The following STK3 variants were observed in gnomAD, a reference collection of about 807,000 sequenced individuals.
STK3 encodes serine/threonine kinase 3, also known as serine/threonine-protein kinase 3.
A neutral mutation model predicts 58.0 loss-of-function variants in STK3; 41 were observed. That is an observed-to-expected ratio of 0.71 (90% CI 0.55 to 0.92). The LOEUF is 0.92. Ranked by LOEUF, STK3 falls within the 40% of genes least tolerant of loss-of-function variation. The probability of loss-of-function intolerance (pLI) is 0.00; values close to 1 mark genes in which losing one functional copy is unlikely to be tolerated. For missense variants in STK3, 479 were observed against 602.7 expected (o/e 0.79, Z 2.15); for synonymous variants, 170 against 191.0 (o/e 0.89, Z 0.91).
downstream of STK3, among the ~76,000 whole-genome samples, chr8:98,397,294 C>T (rs1328580093): frequency 6.6e-6 from 1 of 152,136 alleles, no homozygotes; most frequent in Non-Finnish European, 1.5e-5. Flanking sequence ...TTTGGGAGGC[C>T]AAGGTGGGAG....
Position 98,455,822 on chromosome 8 carries a change from A to G in STK3, c.*20T>C. The G allele has an allele frequency of 6.2e-7, 1 of 1,612,854 alleles. No homozygotes were observed. Among genetic ancestry groups the G allele is most frequent in the South Asian group, 1.1e-5 (1 of 90,770 alleles). Reference sequence around the variant, plus strand: ...GTTTCTTGGTCTCCAGAATAGTTAAAAACAGAGAGGAAATTAGACTCAAAA... The same window carrying G: ...GTTTCTTGGTCTCCAGAATAGTTAAGAACAGAGAGGAAATTAGACTCAAAA... On this transcript the variant is annotated 3_prime_UTR_variant, in exon 11 of 11. Transcript: ENST00000419617.
At chr8:98,541,253 G>A (rs1029581381) in intron 9 of STK3, among the ~76,000 whole-genome samples, 12 of 152,138 alleles carry the variant, frequency 7.9e-5, no homozygotes, top group African/African-American at 2.9e-4. Context: ...GGGGACTGGT[G>A]GGAGATGATT....
intron 3 of STK3, among the ~76,000 whole-genome samples, chr8:98,876,595 T>C (rs1837566815): frequency 6.6e-6 from 1 of 152,148 alleles, no homozygotes; most frequent in African/African-American, 2.4e-5. Context: ...ACACTCTCAC[T>C]ACACTGCGGC....
intron 3 of STK3, among the ~76,000 whole-genome samples, chr8:98,838,831 A>T (rs1176094050): frequency 6.6e-6 from 1 of 151,664 alleles, no homozygotes; most frequent in African/African-American, 2.4e-5. Context: ...AGGTTATTCC[A>T]TTTTCTCATA....
At position 98,851,741 on chromosome 8, in the gene STK3, G is replaced by A. The variant is rs753655285; in HGVS notation, c.110+31906C>T. Among the ~76,000 whole-genome samples, 15 of 152,258 alleles carry A rather than the reference G, an allele frequency of 9.9e-5. No homozygotes were observed. The East Asian group carries it at 1.2e-3, about 12-fold the overall frequency. ...TGTGGAAGGTAGAGGCAGGAGAATCGCTTGAGGCCAGGAGTTTGAGACCAG... is the reference window on the plus strand; with the variant it reads ...TGTGGAAGGTAGAGGCAGGAGAATCACTTGAGGCCAGGAGTTTGAGACCAG... On this transcript the variant is annotated intron_variant, in intron 3 of 12. Coordinates refer to the STK3 transcript ENST00000523601.
chr8:98,928,138 C>T (rs946335201), intron 1 of STK3, among the ~76,000 whole-genome samples: 5 of 152,180 alleles, frequency 3.3e-5, no homozygotes, highest in East Asian at 1.9e-4. Context: ...TCCTACAACA[C>T]GCATGCCATT....
chr8:98,693,858 T>C (rs1824611270), intron 6 of STK3, among the ~76,000 whole-genome samples: 1 of 136,156 alleles, frequency 7.3e-6, no homozygotes, highest in African/African-American at 2.6e-5. Flanking sequence ...TATTATTAAT[T>C]GAGCAGGAAA....
chr8:98,781,015 GT>G (rs1832055085), intron 1 of STK3, among the ~76,000 whole-genome samples: 1 of 152,134 alleles, frequency 6.6e-6, no homozygotes. Flanking sequence ...TAGCCACCAG[GT>G]TTATGACAGG....
At chr8:98,639,609 T>G (rs1340298873) in intron 6 of STK3, among the ~76,000 whole-genome samples, 2 of 152,230 alleles carry the variant, frequency 1.3e-5, no homozygotes, top group Non-Finnish European at 2.9e-5. Flanking sequence ...CTATTAATGC[T>G]TTGGGGAAAA....
intron 10 of STK3, among the ~76,000 whole-genome samples, chr8:98,461,023 A>G (rs1445545388): frequency 6.6e-6 from 1 of 152,184 alleles, no homozygotes; most frequent in Non-Finnish European, 1.5e-5. Flanking sequence ...TCTACAGTGA[A>G]GTTTAAGTCC....
At chr8:98,744,619 T>C (rs971254479) in intron 4 of STK3, among the ~76,000 whole-genome samples, 3 of 146,858 alleles carry the variant, frequency 2.0e-5, no homozygotes, top group Non-Finnish European at 3.0e-5. Flanking sequence ...CATTAGGAGA[T>C]ATACCTAATG....
intron 6 of STK3, among the ~76,000 whole-genome samples, chr8:98,701,682 A>T (rs1563908498): frequency 6.6e-6 from 1 of 151,074 alleles, no homozygotes; most frequent in Admixed American, 6.6e-5. Flanking sequence ...ACACACACTC[A>T]CACACACACA....
intron 6 of STK3, among the ~76,000 whole-genome samples, chr8:98,696,160 C>A (rs1259075601): frequency 6.6e-6 from 1 of 152,048 alleles, no homozygotes; most frequent in Non-Finnish European, 1.5e-5. Flanking sequence ...ATTTGGCTGT[C>A]TGTTATTGGT....
intron 1 of STK3, among the ~76,000 whole-genome samples, chr8:98,940,858 TG>T (rs751952875): frequency 5.9e-5 from 9 of 152,164 alleles, no homozygotes; most frequent in Admixed American, 2.6e-4. Flanking sequence ...GGCTCTGGGG[TG>T]GGGGACACCA....
At chr8:98,477,045 T>C (rs1821369398) in intron 10 of STK3, among the ~76,000 whole-genome samples, 1 of 152,228 alleles carries the variant, frequency 6.6e-6, no homozygotes, top group Non-Finnish European at 1.5e-5. Flanking sequence ...AGCATCATTC[T>C]TATCATCAAG....
intron 3 of STK3, among the ~76,000 whole-genome samples, chr8:98,870,653 T>C (rs536135573): frequency 1.3e-3 from 193 of 152,364 alleles, no homozygotes; most frequent in African/African-American, 4.3e-3. Flanking sequence ...TTGAGAAGTG[T>C]CTGTTCATAT....
At chr8:98,825,456 C>T in intron 1 of STK3, 59 bp downstream of exon 1, 2 of 1,422,672 alleles carry the variant, frequency 1.4e-6, no homozygotes, top group East Asian at 3.3e-5. Context: ...GCCTAGCCAC[C>T]CCCGCCCCGC....
At chr8:98,531,148 G>A (rs1826144574) in intron 9 of STK3, among the ~76,000 whole-genome samples, 1 of 152,166 alleles carries the variant, frequency 6.6e-6, no homozygotes, top group Non-Finnish European at 1.5e-5. Flanking sequence ...GAAGAATGAT[G>A]AATCCTTTCC....
At chr8:98,878,705 T>C (rs1233421825) in intron 3 of STK3, among the ~76,000 whole-genome samples, 1 of 152,150 alleles carries the variant, frequency 6.6e-6, no homozygotes, top group Non-Finnish European at 1.5e-5. Context: ...TTGCTCCATT[T>C]GTAAGGGTGC....
Sources: gnomAD v4.1 joint callset for allele counts (sites outside exome capture counted in the v4.1 genomes callset) on GRCh38, gnomAD v4.1.1 for gene constraint, MANE v1.5 for transcripts, NCBI Gene and HGNC (gene_info 2026-07-23, HGNC 2026-07-21) for gene names.